The following ADAMTSL1 variants were observed in gnomAD, a reference collection of about 807,000 sequenced individuals.
The protein encoded by ADAMTSL1 is ADAMTS like 1, also known as ADAMTS-like protein 1.
Under a neutral mutation model 201.8 loss-of-function variants are expected in ADAMTSL1, and 126 were observed. The observed-to-expected ratio is 0.62, with a 90% CI of 0.54 to 0.72. The LOEUF (loss-of-function observed/expected upper bound fraction) is 0.72, where lower values mean the gene tolerates loss of function less well. Among genes scored for constraint, ADAMTSL1 ranks in the 30% least tolerant of loss-of-function variants. ADAMTSL1 has a pLI of 0.00. For missense variants in ADAMTSL1, 2,679 were observed against 2,277.8 expected (o/e 1.18, Z -3.59); for synonymous variants, 1,121 against 903.4 (o/e 1.24, Z -4.32).
chr9:18,868,542 T>C (rs1232489046), intron 23 of ADAMTSL1, among the ~76,000 whole-genome samples: 1 of 152,248 alleles, frequency 6.6e-6, no homozygotes, highest in Non-Finnish European at 1.5e-5. Context: ...TTCTGGGGTC[T>C]CTATTAAATG....
chr9:18,337,604 G>A (rs1441957390), intron 2 of ADAMTSL1, among the ~76,000 whole-genome samples: 1 of 152,100 alleles, frequency 6.6e-6, no homozygotes, highest in East Asian at 1.9e-4. Flanking sequence ...CTAGTAAGTG[G>A]CAAAATCGGG....
chr9:18,299,412 A>G (rs1833609956), intron 2 of ADAMTSL1, among the ~76,000 whole-genome samples: 1 of 152,220 alleles, frequency 6.6e-6, no homozygotes, highest in African/African-American at 2.4e-5. Flanking sequence ...TGAAACAACT[A>G]GTCACCAGTT....
At chr9:18,888,142 G>A in intron 24 of ADAMTSL1, 99 bp downstream of exon 24, 1 of 1,276,578 alleles carries the variant, frequency 7.8e-7, no homozygotes, top group Non-Finnish European at 1.1e-6. Flanking sequence ...GATCTCCAGT[G>A]GTACTCAAGG....
At chr9:18,637,413 C>T (rs1227838301) in intron 6 of ADAMTSL1, among the ~76,000 whole-genome samples, 1 of 152,074 alleles carries the variant, frequency 6.6e-6, no homozygotes, top group Non-Finnish European at 1.5e-5. Flanking sequence ...AAGAACATCA[C>T]CAAGTGGGGG....
chr9:18,744,872 A>G (rs1315101354), intron 15 of ADAMTSL1, among the ~76,000 whole-genome samples: 1 of 152,162 alleles, frequency 6.6e-6, no homozygotes, highest in Non-Finnish European at 1.5e-5. Flanking sequence ...TACTTTGTAA[A>G]ACGTCTCTCC....
intron 2 of ADAMTSL1, among the ~76,000 whole-genome samples, chr9:18,381,986 A>G (rs1275356703): frequency 2.6e-5 from 4 of 152,092 alleles, no homozygotes; most frequent in Non-Finnish European, 5.9e-5. Flanking sequence ...TCAATGAAAT[A>G]TTTTTCCTGT....
intron 1 of ADAMTSL1, among the ~76,000 whole-genome samples, chr9:18,154,195 A>G (rs1827045097): frequency 6.6e-6 from 1 of 152,048 alleles, no homozygotes; most frequent in Non-Finnish European, 1.5e-5. Flanking sequence ...CCACTTCAAC[A>G]TATGCTACCA....
intron 3 of ADAMTSL1, among the ~76,000 whole-genome samples, chr9:18,558,800 A>T (rs1012919152): frequency 2.0e-5 from 3 of 152,138 alleles, no homozygotes; most frequent in Non-Finnish European, 4.4e-5. Flanking sequence ...TTGGCCACAT[A>T]AATGTCTTCT....
At chr9:17,941,872 T>C (rs1326718065) in intron 1 of ADAMTSL1, among the ~76,000 whole-genome samples, 2 of 152,102 alleles carry the variant, frequency 1.3e-5, no homozygotes, top group Non-Finnish European at 2.9e-5. Context: ...CCCTGCTTCA[T>C]AGAAGGCTGG....
rs535836816 is a variant in ADAMTSL1, at chr9:18,001,560, A to C, written c.87+94638A>C. On this transcript the variant is annotated intron_variant, in intron 1 of 29. Transcript: ENST00000680146. Reference sequence around the variant, plus strand: ...ATCTTAGAACGGGCTGATTCAAAGAAGGTTTCCAGGAAGAAAAATCTCCAA... The same window carrying C: ...ATCTTAGAACGGGCTGATTCAAAGACGGTTTCCAGGAAGAAAAATCTCCAA... Among the ~76,000 whole-genome samples, 6 of 152,230 alleles carry C rather than the reference A, an allele frequency of 3.9e-5. No homozygotes were observed. In the South Asian group the frequency reaches 8.3e-4, roughly 21 times the overall value.
At chr9:18,507,369 T>C (rs1015737904) in intron 2 of ADAMTSL1, among the ~76,000 whole-genome samples, 1 of 152,194 alleles carries the variant, frequency 6.6e-6, no homozygotes, top group African/African-American at 2.4e-5. Context: ...GGTGTATTGA[T>C]TGTAGAAAAT....
At chr9:18,764,838 C>A (rs183893902) in intron 16 of ADAMTSL1, among the ~76,000 whole-genome samples, 1 of 152,260 alleles carries the variant, frequency 6.6e-6, no homozygotes, top group East Asian at 1.9e-4. Flanking sequence ...TTTTTTAAAA[C>A]TTTTCTTGCA....
chr9:18,720,906 C>T (rs1447624085), intron 14 of ADAMTSL1, among the ~76,000 whole-genome samples: 1 of 152,218 alleles, frequency 6.6e-6, no homozygotes, highest in Non-Finnish European at 1.5e-5. Context: ...GAGTCAGGGC[C>T]TGCGGGTGTC....
chr9:18,510,615 A>G (rs1423763612), intron 2 of ADAMTSL1, among the ~76,000 whole-genome samples: 1 of 152,082 alleles, frequency 6.6e-6, no homozygotes, highest in Non-Finnish European at 1.5e-5. Context: ...TGGTTTGAAC[A>G]ACAAAGAAAG....
intron 2 of ADAMTSL1, among the ~76,000 whole-genome samples, chr9:18,511,880 A>G (rs993174502): frequency 6.6e-6 from 1 of 152,194 alleles, no homozygotes; most frequent in Non-Finnish European, 1.5e-5. Context: ...CATCTCTATC[A>G]TAACATCCAA....
chr9:18,092,487 A>G (rs1409524110), intron 1 of ADAMTSL1, among the ~76,000 whole-genome samples: 2 of 152,174 alleles, frequency 1.3e-5, no homozygotes, highest in African/African-American at 4.8e-5. Context: ...TTTGGGGATT[A>G]TCTTCTGTCT....
At chr9:18,667,482 C>T (rs1429626322) in intron 9 of ADAMTSL1, among the ~76,000 whole-genome samples, 1 of 152,074 alleles carries the variant, frequency 6.6e-6, no homozygotes, top group Non-Finnish European at 1.5e-5. Flanking sequence ...GGCTCTGCCA[C>T]TTACTAGTTG....
intron 15 of ADAMTSL1, among the ~76,000 whole-genome samples, chr9:18,735,748 C>CTTTTTTTTTT (rs71333066): frequency 2.8e-5 from 3 of 106,664 alleles, no homozygotes; most frequent in Non-Finnish European, 3.8e-5. Flanking sequence ...ATTCTTTTTT[C>CTTTTTTTTTT]TTTTTTTTTT....
At chr9:18,281,197 A>C (rs1832774225) in intron 2 of ADAMTSL1, among the ~76,000 whole-genome samples, 1 of 152,236 alleles carries the variant, frequency 6.6e-6, no homozygotes, top group Non-Finnish European at 1.5e-5. Flanking sequence ...TATAATAAGC[A>C]AATGCTATAA....
Sources: allele counts gnomAD v4.1 joint callset (sites outside exome capture counted in the v4.1 genomes callset), GRCh38; gene constraint gnomAD v4.1.1; transcripts MANE v1.5; gene names NCBI Gene and HGNC (gene_info 2026-07-23, HGNC 2026-07-21).